TMEM163: variants seen among roughly 807,000 people sequenced by gnomAD.
TMEM163 encodes the protein transmembrane protein 163.
Under a neutral mutation model 29.3 loss-of-function variants are expected in TMEM163, and 17 were observed. That is an observed-to-expected ratio of 0.58 (90% CI 0.40 to 0.87). The LOEUF (loss-of-function observed/expected upper bound fraction) is 0.87, where lower values mean the gene tolerates loss of function less well. TMEM163 is among the 40% of genes least tolerant of loss of function. TMEM163 has a pLI of 0.00. For missense variants in TMEM163, 303 were observed against 381.5 expected (o/e 0.79, Z 1.71); for synonymous variants, 157 against 160.6 (o/e 0.98, Z 0.17).
chr2:134,549,560 T>C (rs1053479680), intron 4 of TMEM163, among the ~76,000 whole-genome samples: 1 of 152,108 alleles, frequency 6.6e-6, no homozygotes, highest in Non-Finnish European at 1.5e-5. Context: ...GCCAGGCTGG[T>C]CTTGAACTCC....
chr2:134,699,198 T>C (rs1205388889), intron 2 of TMEM163, among the ~76,000 whole-genome samples: 1 of 152,162 alleles, frequency 6.6e-6, no homozygotes, highest in East Asian at 1.9e-4. Context: ...ACGTAGCGTA[T>C]TATAATCAAA....
At position 134,662,177 on chromosome 2, in the gene TMEM163, C is replaced by T. The variant is rs376283352; in HGVS notation, c.322+51023G>A. ...GTCTCGATCTCCTGACCTCGTGATC[C>T]GCCCGCCTCAGCCTCCCAAAGTGCT... On this transcript the variant is annotated intron_variant, in intron 2 of 7. Coordinates refer to ENST00000281924, the MANE Select transcript of TMEM163 (RefSeq NM_030923.5). 1.4e-4 allele frequency among the ~76,000 whole-genome samples: 21 copies of T among 152,056 alleles called. 1 individual carries two copies. Among genetic ancestry groups the T allele is most frequent in the East Asian group, 9.7e-4 (5 of 5,178 alleles).
intron 2 of TMEM163, among the ~76,000 whole-genome samples, chr2:134,582,396 A>G (rs892941574): frequency 1.3e-5 from 2 of 152,188 alleles, no homozygotes; most frequent in Non-Finnish European, 2.9e-5. Context: ...TACAAACCGC[A>G]CGCTTTTTGC....
chr2:134,539,275 G>A (rs1680607337), intron 4 of TMEM163, among the ~76,000 whole-genome samples: 1 of 152,194 alleles, frequency 6.6e-6, no homozygotes, highest in Admixed American at 6.5e-5. Flanking sequence ...CTCAAAGGGT[G>A]CAACTACTTA....
chr2:134,693,380 G>A (rs1022445409), intron 2 of TMEM163, among the ~76,000 whole-genome samples: 6 of 152,156 alleles, frequency 3.9e-5, no homozygotes, highest in African/African-American at 1.2e-4. Context: ...GCCAAGGCGG[G>A]TGGATCACCT....
At chr2:134,642,222 G>A (rs539595363) in intron 2 of TMEM163, among the ~76,000 whole-genome samples, 41 of 151,890 alleles carry the variant, frequency 2.7e-4, no homozygotes, top group Admixed American at 5.9e-4. Context: ...TCCACCTCCC[G>A]GGTTCAAGCA....
At chr2:134,493,266 C>T (rs1436799528) in intron 5 of TMEM163, among the ~76,000 whole-genome samples, 1 of 144,768 alleles carries the variant, frequency 6.9e-6, no homozygotes, top group Non-Finnish European at 1.5e-5. Flanking sequence ...TCTGTGCTAT[C>T]TTGTCATTTT....
At chr2:134,667,132 C>T (rs1012125999) in intron 2 of TMEM163, among the ~76,000 whole-genome samples, 1 of 152,200 alleles carries the variant, frequency 6.6e-6, no homozygotes, top group Non-Finnish European at 1.5e-5. Context: ...CGAAATCAAA[C>T]GTGCACCCAG....
intron 2 of TMEM163, among the ~76,000 whole-genome samples, chr2:134,635,599 TC>T: frequency 6.6e-6 from 1 of 151,972 alleles, no homozygotes; most frequent in Non-Finnish European, 1.5e-5. Context: ...GACAAATGAC[TC>T]CCGTCTTACC....
At chr2:134,458,466 G>T (rs113810630) in intron 6 of TMEM163, 9 of 370,742 alleles carry the variant, frequency 2.4e-5, no homozygotes, top group African/African-American at 1.6e-4. Flanking sequence ...CCGCTAGAAC[G>T]CAAACCTCCT....
In TMEM163 at chr2:134,713,328, A is replaced by C; in HGVS notation, c.203-9T>G. On this transcript the variant is annotated splice_polypyrimidine_tract_variant and intron_variant, in intron 1 of 7. Transcript: ENST00000281924. ...GCTGCTTTCTAGTAAGCCTGACAAA[A>C]ACAAGGAGAAAGGGAAGTTAGACAT... 6.2e-7 allele frequency: 1 copy of C among 1,613,172 alleles called. No individual in the cohort carries two copies. Among genetic ancestry groups the C allele is most frequent in the Non-Finnish European group, 8.5e-7 (1 of 1,179,798 alleles).
At chr2:134,660,333 A>C (rs1202549177) in intron 2 of TMEM163, among the ~76,000 whole-genome samples, 1 of 152,208 alleles carries the variant, frequency 6.6e-6, no homozygotes, top group East Asian at 1.9e-4. Context: ...CAGGGCATGT[A>C]GGAGGCCTCT....
chr2:134,566,226 A>C (rs936946273), intron 2 of TMEM163, among the ~76,000 whole-genome samples: 2 of 152,210 alleles, frequency 1.3e-5, no homozygotes, highest in African/African-American at 4.8e-5. Flanking sequence ...AGGTAGCAAA[A>C]CTGAAAAAAC....
chr2:134,495,442 T>A (rs1275473952), intron 5 of TMEM163, among the ~76,000 whole-genome samples: 2 of 152,212 alleles, frequency 1.3e-5, no homozygotes, highest in African/African-American at 4.8e-5. Flanking sequence ...CAAAACTCAC[T>A]GAGAGTGAGA....
chr2:134,518,351 T>C (rs1163947095), intron 4 of TMEM163, among the ~76,000 whole-genome samples: 1 of 152,208 alleles, frequency 6.6e-6, no homozygotes, highest in East Asian at 1.9e-4. Context: ...CATCTGCCCA[T>C]AAATAGGCTA....
At position 134,594,953 on chromosome 2, in the gene TMEM163, T is replaced by A. The variant is rs562471898; in HGVS notation, c.323-42862A>T. Among the ~76,000 whole-genome samples the A allele has an allele frequency of 1.2e-3, 185 of 151,886 alleles. 1 individual carries two copies. The highest frequency in any genetic ancestry group is 4.4e-3 in the African/African-American group (181 of 41,426). On this transcript the variant is annotated intron_variant, in intron 2 of 7. Transcript: ENST00000281924. ...GAAAGGTTTTGGCACAGAAGCAATA[T>A]AGCAAGGTAATAGGTTACTGAAAAA...
At position 134,550,678 on chromosome 2, in the gene TMEM163, T is replaced by C; in HGVS notation, c.367-17A>G. On this transcript the variant is annotated splice_polypyrimidine_tract_variant and intron_variant, in intron 3 of 7. Coordinates refer to ENST00000281924, the MANE Select transcript of TMEM163 (RefSeq NM_030923.5). ...GGCATCAAACTAGGAGAAGGAGACA[T>C]GGCATTAGAGGCTTTCCACAGTTAA... is the stretch of plus-strand genomic sequence containing the variant. 4 of 1,612,960 alleles carry C rather than the reference T, an allele frequency of 2.5e-6. No homozygotes were observed. Among genetic ancestry groups the C allele is most frequent in the Non-Finnish European group, 3.4e-6 (4 of 1,178,950 alleles).
At chr2:134,457,990 C>T in intron 7 of TMEM163, 42 bp downstream of exon 7, 3 of 1,613,324 alleles carry the variant, frequency 1.9e-6, no homozygotes, top group Non-Finnish European at 2.5e-6. Context: ...AAGGGACACT[C>T]CTAGCTGCCA....
intron 4 of TMEM163, among the ~76,000 whole-genome samples, chr2:134,540,913 T>C (rs1680649887): frequency 6.6e-6 from 1 of 152,212 alleles, no homozygotes; most frequent in African/African-American, 2.4e-5. Context: ...AGCATGAGTC[T>C]AGGGGTTCGG....
Sources: gnomAD v4.1 joint callset for allele counts (sites outside exome capture counted in the v4.1 genomes callset) on GRCh38, gnomAD v4.1.1 for gene constraint, MANE v1.5 for transcripts, NCBI Gene and HGNC (gene_info 2026-07-23, HGNC 2026-07-21) for gene names.